Variants in F3 observed in about 807,000 individuals in gnomAD.
F3 encodes the protein tissue factor.
A neutral mutation model predicts 33.5 loss-of-function variants in F3; 18 were observed. That is an observed-to-expected ratio of 0.54 (90% CI 0.37 to 0.80). The LOEUF is 0.80. Among genes scored for constraint, F3 ranks in the 30% least tolerant of loss-of-function variants. The probability of loss-of-function intolerance (pLI) is 0.00; values close to 1 mark genes in which losing one functional copy is unlikely to be tolerated. For missense variants in F3, 353 were observed against 362.1 expected (o/e 0.97, Z 0.20); for synonymous variants, 147 against 140.7 (o/e 1.05, Z -0.32).
chr1:94,533,405 G>A, intron 3 of F3, 137 bp from the exon 4 acceptor site: 2 of 1,034,994 alleles, frequency 1.9e-6, no homozygotes, highest in Non-Finnish European at 2.8e-6. Context: ...GAAAGAAGCA[G>A]GCGTGGCGGC....
chr1:94,540,191 T>C, intron 2 of F3, 66 bp downstream of exon 2: 1 of 1,011,628 alleles, frequency 9.9e-7, no homozygotes, highest in Non-Finnish European at 1.5e-6. Context: ...TTAAAGACAT[T>C]CTTGTTCAGC....
At chr1:94,541,254 C>T (rs1453177109) in intron 1 of F3, among the ~76,000 whole-genome samples, 1 of 152,242 alleles carries the variant, frequency 6.6e-6, no homozygotes, top group African/African-American at 2.4e-5. Context: ...AGCTAAAAGT[C>T]CGCTTATGCA....
Position 94,530,365 on chromosome 1 carries a change from G to A in F3, c.*95C>T, listed in dbSNP as rs916289086. 1.9e-5 allele frequency: 29 copies of A among 1,517,500 alleles called. No individual in the cohort carries two copies. In the African/African-American group the frequency reaches 2.9e-4, roughly 15 times the overall value. The allele number at this position is 1,517,500 out of a possible 1,614,324, so 94.0% of individuals were successfully genotyped here. Reference sequence around the variant, plus strand: ...TTGAACTCCAGGGTCTTCATGCTCCGAAATACTCATTTGCGTTTCCATGTA... The same window carrying A: ...TTGAACTCCAGGGTCTTCATGCTCCAAAATACTCATTTGCGTTTCCATGTA... On this transcript the variant is annotated 3_prime_UTR_variant, in exon 6 of 6. Coordinates refer to ENST00000334047, the MANE Select transcript of F3 (RefSeq NM_001993.5).
chr1:94,538,079 A>G (rs1035708881), intron 2 of F3, among the ~76,000 whole-genome samples: 1 of 152,242 alleles, frequency 6.6e-6, no homozygotes, highest in African/African-American at 2.4e-5. Context: ...TAATGAAGGG[A>G]CAATTCTGTA....
Position 94,541,617 on chromosome 1 carries a change from G to A in F3, c.20C>T (p.Pro7Leu), listed in dbSNP as rs997538173. METPAW[P>L]RVPRPETAVA... The stretch of plus-strand genomic sequence containing the variant: ...GGCGGTCTCGGGGCGCGGGACCCGG[G>A]GCCAGGCAGGGGTCTCCATGTCTAC... The change falls in exon 1 of 6, where the codon CCC becomes CTC. Residue 7 changes from proline (P) to leucine (L), a missense_variant. By Grantham distance (98) the Pro-to-Leu change is moderately conservative. Coordinates refer to ENST00000334047, the MANE Select transcript of F3 (RefSeq NM_001993.5). 1.4e-6 allele frequency: 2 copies of A among 1,454,178 alleles called. No homozygotes were observed. Among genetic ancestry groups the A allele is most frequent in the South Asian group, 2.9e-5 (2 of 68,142 alleles). The allele number at this position is 1,454,178 out of a possible 1,614,324, so 90.1% of individuals were successfully genotyped here.
chr1:94,535,706 G>A (rs1025341562), intron 3 of F3, among the ~76,000 whole-genome samples: 7 of 151,790 alleles, frequency 4.6e-5, no homozygotes, highest in African/African-American at 1.7e-4. Context: ...ACATTCAGCC[G>A]GTTACTGAGG....
chr1:94,532,389 C>A lies in F3; in HGVS notation c.683G>T (p.Arg228Leu), dbSNP rs780707936. 6.2e-7 allele frequency: 1 copy of A among 1,613,978 alleles called. No homozygotes were observed. Among genetic ancestry groups the A allele is most frequent in the Non-Finnish European group, 8.5e-7 (1 of 1,180,036 alleles). ...CFSVQAVIPS[R>L]TVNRKSTDSP... The stretch of plus-strand genomic sequence containing the variant: ...GTCTGTACTCTTCCGGTTAACTGTT[C>A]GGGAGGGAATCACTGCTTGAACACT... The change falls in exon 5 of 6, where the codon CGA (arginine) becomes CTA (leucine). Residue 228 changes from arginine (R) to leucine (L), a missense_variant. Arg to Leu is a moderately radical substitution (Grantham distance 102). Transcript: ENST00000334047.
chr1:94,530,424 A>G lies in F3; in HGVS notation c.*36T>C. On this transcript the variant is annotated 3_prime_UTR_variant, in exon 6 of 6. Coordinates refer to ENST00000334047, the MANE Select transcript of F3 (RefSeq NM_001993.5). Reference sequence around the variant, plus strand: ...TCTTAAAAGTTCTCGGTCACAGTGCAATATAGCATTTGCAGTAGCTCCAAC... The same window carrying G: ...TCTTAAAAGTTCTCGGTCACAGTGCGATATAGCATTTGCAGTAGCTCCAAC... 1 of 1,613,340 alleles carries G rather than the reference A, an allele frequency of 6.2e-7. No individual in the cohort carries two copies. Among genetic ancestry groups the G allele is most frequent in the Non-Finnish European group, 8.5e-7 (1 of 1,179,778 alleles).
At chr1:94,530,664 C>A in intron 5 of F3, 68 bp from the exon 6 acceptor site, 1 of 1,581,392 alleles carries the variant, frequency 6.3e-7, no homozygotes, top group South Asian at 1.1e-5. Context: ...ACAAAATTGA[C>A]GGCATAACCC....
At chr1:94,531,137 G>A (rs1280441329) in intron 5 of F3, among the ~76,000 whole-genome samples, 1 of 152,182 alleles carries the variant, frequency 6.6e-6, no homozygotes, top group African/African-American at 2.4e-5. Flanking sequence ...GACAATGACT[G>A]AAGGCTGTGG....
chr1:94,540,362 G>A lies in F3; in HGVS notation c.107C>T (p.Thr36Ile). 6.2e-7 allele frequency: 1 copy of A among 1,610,446 alleles called. No homozygotes were observed. The change falls in exon 2 of 6, where the codon ACA becomes ATA. Residue 36 changes from threonine to isoleucine, a missense_variant. Coordinates refer to ENST00000334047, the MANE Select transcript of F3 (RefSeq NM_001993.5). ...TAAATTATATGCTGCCACAGTATTT[G>A]TAGTGCCTTTAAACAACAGAGAAAC... ...FAQVAGASGT[T>I]NTVAAYNLTW...
At chr1:94,539,994 T>C (rs1651725722) in intron 2 of F3, among the ~76,000 whole-genome samples, 1 of 152,214 alleles carries the variant, frequency 6.6e-6, no homozygotes, top group Non-Finnish European at 1.5e-5. Context: ...GGTTCATCTC[T>C]CCACAGTTTA....
Position 94,536,434 on chromosome 1 carries a change from C to A in F3, c.213-270G>T, listed in dbSNP as rs3917615. ...TGTGAGCCATCATACCTAGCAACAC[C>A]GAGCACTTGGGATGCATGTTTGAGT... On this transcript the variant is annotated intron_variant, in intron 2 of 5. Coordinates refer to ENST00000334047, the MANE Select transcript of F3 (RefSeq NM_001993.5). Among the ~76,000 whole-genome samples the A allele has an allele frequency of 2.6e-5, 4 of 151,898 alleles. No individual in the cohort carries two copies. In the East Asian group the frequency reaches 7.7e-4, roughly 29 times the overall value.
Position 94,532,339 on chromosome 1 carries a change from C to G in F3, c.733G>C (p.Glu245Gln). ...TDSPVECMGQ[E>Q]KGEFREIFYI... ...CACTCACCTCTGAATTCCCCTTTCTCCTGGCCCATACACTCTACCGGGCTG... is the reference window on the plus strand; with the variant it reads ...CACTCACCTCTGAATTCCCCTTTCTGCTGGCCCATACACTCTACCGGGCTG... Residue 245 changes from glutamate (E) to glutamine (Q), a missense_variant, in exon 5 of 6, where the codon GAG becomes CAG. Transcript: ENST00000334047. The G allele has an allele frequency of 6.2e-7, 1 of 1,614,150 alleles. No individual in the cohort carries two copies. Among genetic ancestry groups the G allele is most frequent in the Non-Finnish European group, 8.5e-7 (1 of 1,180,032 alleles).
chr1:94,541,739 G>T lies in F3; in HGVS notation c.-103C>A, dbSNP rs1000402405. On this transcript the variant is annotated 5_prime_UTR_variant, in exon 1 of 6. Transcript: ENST00000334047. ...GGCCGGCCAGAGGGAGTGCGAGGGG[G>T]TGCGGGGAGCTCGCAGTCTTGGGGA... 83 of 618,416 alleles carry T rather than the reference G, an allele frequency of 1.3e-4. No homozygotes were observed. In the African/African-American group the frequency reaches 1.5e-3, roughly 11 times the overall value. The allele number at this position is 618,416 out of a possible 1,614,324, so 38.3% of individuals were successfully genotyped here.
rs925728819 is a variant in F3, at chr1:94,530,218, C to T, written c.*242G>A. On this transcript the variant is annotated 3_prime_UTR_variant, in exon 6 of 6. Coordinates refer to ENST00000334047, the MANE Select transcript of F3 (RefSeq NM_001993.5). Reference sequence around the variant, plus strand: ...TAAAGCATGTTATGTGCAAAAGGTGCCATGGTGTTAAAAATTAAAACTTGG... The same window carrying T: ...TAAAGCATGTTATGTGCAAAAGGTGTCATGGTGTTAAAAATTAAAACTTGG... The T allele has an allele frequency of 2.4e-5, 10 of 424,724 alleles. No individual in the cohort carries two copies. Among genetic ancestry groups the T allele is most frequent in the African/African-American group, 1.8e-4 (9 of 50,664 alleles). 26.3% of individuals were successfully genotyped at this position (424,724 alleles called of 1,614,324 possible).
At chr1:94,540,672 T>C (rs1651745071) in intron 1 of F3, 1 of 301,038 alleles carries the variant, frequency 3.3e-6, no homozygotes, top group African/African-American at 2.2e-5. Flanking sequence ...CCCAGAGCCA[T>C]CAGTGTGCCA....
At chr1:94,535,734 G>A (rs1292075689) in intron 3 of F3, among the ~76,000 whole-genome samples, 2 of 152,058 alleles carry the variant, frequency 1.3e-5, no homozygotes, top group Admixed American at 6.5e-5. Context: ...CAGGGTCTGG[G>A]GACAGACTGG....
chr1:94,533,024 T>TACTTG (rs991417860), intron 4 of F3, 66 bp downstream of exon 4: 2 of 1,487,226 alleles, frequency 1.3e-6, no homozygotes, highest in African/African-American at 2.8e-5. Context: ...GGGGAAGAAA[T>TACTTG]GGGTTGTAAA....
Sources: gnomAD v4.1 joint callset for allele counts (sites outside exome capture counted in the v4.1 genomes callset) on GRCh38, gnomAD v4.1.1 for gene constraint, MANE v1.5 for transcripts, NCBI Gene and HGNC (gene_info 2026-07-23, HGNC 2026-07-21) for gene names.